SCLY: variants seen among roughly 807,000 people sequenced by gnomAD.
SCLY encodes the protein putative selenocysteine lyase.
A neutral mutation model predicts 50.1 loss-of-function variants in SCLY; 38 were observed. The observed-to-expected ratio is 0.76, with a 90% CI of 0.59 to 0.99. The LOEUF (loss-of-function observed/expected upper bound fraction) is 0.99. Ranked by LOEUF, SCLY falls within the 50% of genes least tolerant of loss-of-function variation. The pLI, the probability that SCLY is intolerant of heterozygous loss-of-function variation, is 0.00. For synonymous variants in SCLY, 243 were observed against 249.4 expected, an observed-to-expected ratio of 0.97 and a Z score of 0.24; for missense variants, 600 against 620.0, an observed-to-expected ratio of 0.97 and a Z score of 0.34.
intron 8 of SCLY, chr2:238,092,212 G>A (rs1398941408): frequency 1.3e-5 from 2 of 152,308 alleles, no homozygotes; most frequent in East Asian, 3.8e-4. Flanking sequence ...CAGTCTCCAA[G>A]TAGTTGGAAC....
intron 11 of SCLY, among the ~76,000 whole-genome samples, chr2:238,097,567 C>G (rs1190644771): frequency 1.3e-5 from 2 of 151,752 alleles, no homozygotes; most frequent in South Asian, 4.2e-4. Context: ...GCACCTGGAG[C>G]GAGACAGTGG....
intron 11 of SCLY, 95 bp downstream of exon 11, chr2:238,096,971 T>A: frequency 8.0e-7 from 1 of 1,245,140 alleles, no homozygotes; most frequent in Non-Finnish European, 1.1e-6. Flanking sequence ...TGGGCCGCAC[T>A]CTGGCTGGTG....
rs1691294535 is a variant in SCLY, at chr2:238,098,464, C to A, written c.*109C>A. ...GTGCCAGGATGACTGTCTCATGCCC[C>A]CTCTGCATTTTGTCCTGGAGTGCCA... is the stretch of plus-strand genomic sequence containing the variant. On this transcript the variant is annotated 3_prime_UTR_variant, in exon 12 of 12. Coordinates refer to ENST00000254663, the MANE Select transcript of SCLY (RefSeq NM_016510.7). 2 of 1,274,294 alleles carry A rather than the reference C, an allele frequency of 1.6e-6. No homozygotes were observed. Among genetic ancestry groups the A allele is most frequent in the South Asian group, 3.0e-5 (2 of 66,248 alleles). The allele number at this position is 1,274,294 out of a possible 1,614,324, so 78.9% of individuals were successfully genotyped here.
At chr2:238,082,896 C>T in intron 6 of SCLY, 2 of 323,740 alleles carry the variant, frequency 6.2e-6, no homozygotes, top group South Asian at 5.6e-5. Flanking sequence ...GGTTCCAACC[C>T]CTCTCTATTT....
chr2:238,094,535 C>T lies in SCLY; in HGVS notation c.1108+13C>T. 1 of 1,604,476 alleles carries T rather than the reference C, an allele frequency of 6.2e-7. No homozygotes were observed. The highest frequency in any genetic ancestry group is 8.5e-7 in the Non-Finnish European group (1 of 1,171,190). On this transcript the variant is annotated intron_variant, in intron 10 of 11. Transcript: ENST00000254663. ...CCCCGGCTTCAAGGTGATGGCCCCTCACCCTGGTCTTTCCGAGTGTGAGCA... is the reference window on the plus strand; with the variant it reads ...CCCCGGCTTCAAGGTGATGGCCCCTTACCCTGGTCTTTCCGAGTGTGAGCA...
chr2:238,068,316 A>G, intron 3 of SCLY, 151 bp downstream of exon 3: 1 of 576,660 alleles, frequency 1.7e-6, no homozygotes, highest in Non-Finnish European at 2.9e-6. Flanking sequence ...TGGGAGGCCA[A>G]GGCAGGAGGG....
At chr2:238,088,746 T>G (rs907735977) in intron 7 of SCLY, among the ~76,000 whole-genome samples, 3 of 152,184 alleles carry the variant, frequency 2.0e-5, no homozygotes, top group Non-Finnish European at 1.5e-5. Flanking sequence ...CTCAGAATAA[T>G]AGGATTAGTG....
intron 4 of SCLY, 150 bp from the exon 5 acceptor site, chr2:238,081,559 A>T: frequency 9.2e-7 from 1 of 1,084,110 alleles, no homozygotes; most frequent in East Asian, 2.6e-5. Flanking sequence ...GCCAGTGATG[A>T]TGGGCGGCTT....
intron 1 of SCLY, among the ~76,000 whole-genome samples, chr2:238,062,069 T>A (rs906540445): frequency 9.2e-5 from 14 of 152,230 alleles, no homozygotes; most frequent in African/African-American, 3.4e-4. Flanking sequence ...CAAGATTTTT[T>A]ATTTTTTGGT....
chr2:238,098,360 G>A lies in SCLY; in HGVS notation c.*5G>A. The A allele has an allele frequency of 6.3e-7, 1 of 1,584,990 alleles. No homozygotes were observed. The highest frequency in any genetic ancestry group is 1.1e-5 in the South Asian group (1 of 89,618). On this transcript the variant is annotated 3_prime_UTR_variant, in exon 12 of 12. Transcript: ENST00000254663. ...CAGCTGGAGGACCAGGCCTAGCACT[G>A]GGGCCGCCTTCCCCACCCCGCTTCT... is the stretch of plus-strand genomic sequence containing the variant.
At chr2:238,079,988 A>T (rs933847826) in intron 4 of SCLY, 1 of 151,920 alleles carries the variant, frequency 6.6e-6, no homozygotes, top group Admixed American at 6.6e-5. Flanking sequence ...TTCCTGTCTT[A>T]TATTTGGATT....
chr2:238,094,867 A>G (rs779694153), intron 10 of SCLY: 3 of 257,032 alleles, frequency 1.2e-5, no homozygotes, highest in Non-Finnish European at 1.5e-5. Context: ...GGCAGTTTTA[A>G]TTAAATATTT....
chr2:238,084,955 C>A (rs1350319873), intron 7 of SCLY, among the ~76,000 whole-genome samples: 12 of 147,722 alleles, frequency 8.1e-5, no homozygotes, highest in African/African-American at 3.0e-4. Flanking sequence ...TGGTGGCATA[C>A]CCCTTCTCCT....
chr2:238,071,475 G>C (rs1299301616), intron 4 of SCLY, among the ~76,000 whole-genome samples: 3 of 152,094 alleles, frequency 2.0e-5, no homozygotes, highest in Non-Finnish European at 4.4e-5. Context: ...CGGGCGTGGT[G>C]GTGGGCACCT....
intron 4 of SCLY, chr2:238,078,845 A>G (rs946153459): frequency 8.6e-5 from 13 of 151,750 alleles, no homozygotes; most frequent in African/African-American, 2.7e-4. Context: ...GGCGTGTGCA[A>G]TCAGGCCCAT....
rs184779621 is a variant in SCLY at position 238,068,071 on chromosome 2, A to G, written c.209A>G (p.Lys70Arg). The change falls in exon 3 of 12, where the codon AAG becomes AGG. Residue 70 changes from lysine to arginine, a missense_variant. Coordinates refer to ENST00000254663, the MANE Select transcript of SCLY (RefSeq NM_016510.7). ...TCCTTTTTGGTCCCTCAAGGAAGAA[A>G]GGCCAAGGATATTATAAATGCAGCT... ...NPSSPYSAGR[K>R]AKDIINAARE... 2.0e-5 allele frequency: 32 copies of G among 1,608,862 alleles called. No homozygotes were observed. Among genetic ancestry groups the G allele is most frequent in the Non-Finnish European group, 2.5e-5 (29 of 1,178,042 alleles).
chr2:238,091,557 A>ACGCT, intron 8 of SCLY: 4 of 332,204 alleles, frequency 1.2e-5, no homozygotes, highest in South Asian at 3.7e-5. Flanking sequence ...CACCATTCCC[A>ACGCT]AAGGCGTCGG....
intron 7 of SCLY, among the ~76,000 whole-genome samples, chr2:238,084,621 A>G (rs2065272194): frequency 8.8e-6 from 1 of 113,956 alleles, no homozygotes; most frequent in Non-Finnish European, 1.8e-5. Flanking sequence ...AAAGCCCAGC[A>G]CGGTGGCTCA....
rs1169943390 is a variant in SCLY at position 238,083,715 on chromosome 2, C to T, written c.884+361C>T. Among the ~76,000 whole-genome samples, 2 of 152,214 alleles carry T rather than the reference C, an allele frequency of 1.3e-5. No homozygotes were observed. Among genetic ancestry groups the T allele is most frequent in the Non-Finnish European group, 2.9e-5 (2 of 68,034 alleles). The stretch of plus-strand genomic sequence containing the variant: ...GGATCAGCAGGACCACACAGAAGCA[C>T]TGGTCTCCTTTCTGATAGCTCCTGT... On this transcript the variant is annotated intron_variant, in intron 7 of 11. Coordinates refer to ENST00000254663, the MANE Select transcript of SCLY (RefSeq NM_016510.7). The surrounding 1 kb of genome is among the most constrained non-coding windows in gnomAD (Gnocchi z 4.3).
Sources: gnomAD v4.1 joint callset for allele counts (sites outside exome capture counted in the v4.1 genomes callset) on GRCh38, gnomAD v4.1.1 for gene constraint, Gnocchi (gnomAD v3.1) non-coding constraint, MANE v1.5 for transcripts, NCBI Gene and HGNC (gene_info 2026-07-23, HGNC 2026-07-21) for gene names.